GPATCH2L: variants seen among roughly 807,000 people sequenced by gnomAD.
The protein encoded by GPATCH2L is G patch domain-containing protein 2-like.
In GPATCH2L, 31 loss-of-function variants were observed where a neutral mutation model predicts 57.4. That is an observed-to-expected ratio of 0.54 (90% CI 0.41 to 0.73). GPATCH2L has a LOEUF of 0.73. Among genes scored for constraint, GPATCH2L ranks in the 30% least tolerant of loss-of-function variants. GPATCH2L has a pLI of 0.00. For synonymous variants in GPATCH2L, 199 were observed against 210.7 expected, an observed-to-expected ratio of 0.94 and a Z score of 0.48; for missense variants, 481 against 599.9, an observed-to-expected ratio of 0.80 and a Z score of 2.07.
chr14:76,222,104 T>C (rs2040517457), intron 1 of GPATCH2L, among the ~76,000 whole-genome samples: 1 of 152,172 alleles, frequency 6.6e-6, no homozygotes, highest in Non-Finnish European at 1.5e-5. Context: ...CCTGCTCAAT[T>C]TAGCTGTGAA....
intron 1 of GPATCH2L, among the ~76,000 whole-genome samples, chr14:76,225,772 A>G (rs2040534229): frequency 6.6e-6 from 1 of 152,244 alleles, no homozygotes; most frequent in Admixed American, 6.5e-5. Flanking sequence ...ATGAAAACAA[A>G]CAGATGATCC....
At chr14:76,157,939 C>A (rs532101858) in intron 2 of GPATCH2L, among the ~76,000 whole-genome samples, 1 of 151,956 alleles carries the variant, frequency 6.6e-6, no homozygotes, top group East Asian at 1.9e-4. Flanking sequence ...TAATATTTTT[C>A]TGTGTATGTG....
intron 1 of GPATCH2L, among the ~76,000 whole-genome samples, chr14:76,224,298 C>G (rs553525231): frequency 2.0e-5 from 3 of 152,186 alleles, no homozygotes; most frequent in Non-Finnish European, 4.4e-5. Flanking sequence ...GAAAATGTTC[C>G]GGAGTTATAT....
intron 9 of GPATCH2L, among the ~76,000 whole-genome samples, chr14:76,200,494 G>C (rs2040283991): frequency 6.6e-6 from 1 of 152,124 alleles, no homozygotes; most frequent in South Asian, 2.1e-4. Flanking sequence ...GTGTATGAGA[G>C]AGAAAAAGAG....
chr14:76,167,440 A>G lies in GPATCH2L; in HGVS notation c.727+713A>G, dbSNP rs543229084. Reference sequence around the variant, plus strand: ...TTAGGGATTTCTAAAGTCTCTTCTCACTCCGAAGTCCAATAATTTTTCTCC... The same window carrying G: ...TTAGGGATTTCTAAAGTCTCTTCTCGCTCCGAAGTCCAATAATTTTTCTCC... On this transcript the variant is annotated intron_variant, in intron 3 of 9. Transcript: ENST00000261530. 3.9e-5 allele frequency among the ~76,000 whole-genome samples: 6 copies of G among 152,248 alleles called. No individual in the cohort carries two copies. The South Asian group carries it at 1.2e-3, about 32-fold the overall frequency.
rs1214315561 is a variant in GPATCH2L at position 76,209,773 on chromosome 14, T to C, written c.*7922T>C. 1.3e-5 allele frequency: 2 copies of C among 152,358 alleles called. No homozygotes were observed. Among genetic ancestry groups the C allele is most frequent in the South Asian group, 4.1e-4 (2 of 4,830 alleles). The allele number at this position is 152,358 out of a possible 1,614,324, so 9.4% of individuals were successfully genotyped here. ...TACAGTGAAACTTGGGGTTCCACTTTCATCAGATGTGACCCTGTGTGTTCC... is the reference window on the plus strand; with the variant it reads ...TACAGTGAAACTTGGGGTTCCACTTCCATCAGATGTGACCCTGTGTGTTCC... On this transcript the variant is annotated 3_prime_UTR_variant, in exon 10 of 10. Transcript: ENST00000261530.
At position 76,154,510 on chromosome 14, in the gene GPATCH2L, T is replaced by C; in HGVS notation, c.147T>C (p.Ser49=). The change falls in exon 2 of 10, where the codon TCT becomes TCC. Residue 49 remains serine (S), a synonymous_variant. Coordinates refer to ENST00000261530, the MANE Select transcript of GPATCH2L (RefSeq NM_017926.4). The surrounding 1 kb of genome is among the most constrained non-coding windows in gnomAD (Gnocchi z 4.4). ...AACGCCGAGGTCGGAAGCGTCGTTC[T>C]GACTTCACTCACCTGGCAGAGCATA... ...LRKRRGRKRR[S]DFTHLAEHTC... is the part of the protein sequence containing the mutation. 1 of 1,614,242 alleles carries C rather than the reference T, an allele frequency of 6.2e-7. No individual in the cohort carries two copies. Among genetic ancestry groups the C allele is most frequent in the Non-Finnish European group, 8.5e-7 (1 of 1,180,044 alleles).
At position 76,201,787 on chromosome 14, in the gene GPATCH2L, C is replaced by A. The variant is rs1456464276; in HGVS notation, c.1385C>A (p.Ala462Asp). ...WLVRTSAAEK[A>D]TDATTATFFK... Reference sequence around the variant, plus strand: ...GTGAGGACCTCTGCAGCAGAGAAAGCCACAGACGCAACTACTGCTACATTT... The same window carrying A: ...GTGAGGACCTCTGCAGCAGAGAAAGACACAGACGCAACTACTGCTACATTT... The change falls in exon 10 of 10, where the codon GCC becomes GAC. Residue 462 changes from alanine to aspartate, a missense_variant. Around this residue, in one of 3 missense-constraint regions of GPATCH2L, gnomAD observed 248 missense variants for 270.5 expected, o/e 0.92. Coordinates refer to ENST00000261530, the MANE Select transcript of GPATCH2L (RefSeq NM_017926.4). 5 of 1,614,004 alleles carry A rather than the reference C, an allele frequency of 3.1e-6. No individual in the cohort carries two copies. In the South Asian group the frequency reaches 5.5e-5, roughly 18 times the overall value.
chr14:76,222,776 G>A (rs1215893080), intron 1 of GPATCH2L, among the ~76,000 whole-genome samples: 5 of 151,842 alleles, frequency 3.3e-5, no homozygotes, highest in East Asian at 1.9e-4. Flanking sequence ...GGCCAACATG[G>A]TGAGACCCCA....
chr14:76,166,784 A>G, intron 3 of GPATCH2L, 57 bp downstream of exon 3: 1 of 1,181,882 alleles, frequency 8.5e-7, no homozygotes. Flanking sequence ...ATATTTGAAT[A>G]ATCATAGGAG....
chr14:76,188,570 G>C (rs1193957456), intron 8 of GPATCH2L, among the ~76,000 whole-genome samples: 1 of 151,264 alleles, frequency 6.6e-6, no homozygotes, highest in African/African-American at 2.4e-5. Flanking sequence ...TTTTTCTACA[G>C]GGTTGTTTGA....
At position 76,170,393 on chromosome 14, in the gene GPATCH2L, T is replaced by G. The variant is rs73306513; in HGVS notation, c.728-1450T>G. ...CAGACATACAATTATCTATTCTTTG[T>G]TGGCAGGAATAAACTCTAGTGGAAA... is the stretch of plus-strand genomic sequence containing the variant. On this transcript the variant is annotated intron_variant, in intron 3 of 9. Coordinates refer to ENST00000261530, the MANE Select transcript of GPATCH2L (RefSeq NM_017926.4). 5.3e-3 allele frequency among the ~76,000 whole-genome samples: 801 copies of G among 152,330 alleles called. 9 individuals are homozygous for G. The highest frequency in any genetic ancestry group is 0.018 in the African/African-American group (746 of 41,576).
In GPATCH2L at chr14:76,154,334, C is replaced by T. The variant is rs951579916; in HGVS notation, c.-10-20C>T. On this transcript the variant is annotated intron_variant, in intron 1 of 9. Coordinates refer to ENST00000261530, the MANE Select transcript of GPATCH2L (RefSeq NM_017926.4). The surrounding 1 kb of genome is among the most constrained non-coding windows in gnomAD (Gnocchi z 4.4). The stretch of plus-strand genomic sequence containing the variant: ...TTTTCTTTTCTTTCTTTCTTTTTTT[C>T]CTAAACTTCCTTTTGGCAGATGTGG... 7.2e-6 allele frequency: 11 copies of T among 1,517,860 alleles called. No individual in the cohort carries two copies. The highest frequency in any genetic ancestry group is 4.6e-5 in the East Asian group (2 of 43,084). 94.0% of individuals were successfully genotyped at this position (1,517,860 alleles called of 1,614,324 possible). A position where few individuals can be genotyped will look rare whatever the true frequency, so the allele number is the denominator to read the frequency against.
intron 8 of GPATCH2L, among the ~76,000 whole-genome samples, chr14:76,190,896 C>G (rs1017179258): frequency 2.0e-5 from 3 of 152,156 alleles, no homozygotes; most frequent in Non-Finnish European, 1.5e-5. Context: ...CCATTTGCCA[C>G]TCCAGTTGAG....
At chr14:76,160,635 T>A (rs2038539645) in intron 2 of GPATCH2L, among the ~76,000 whole-genome samples, 1 of 152,198 alleles carries the variant, frequency 6.6e-6, no homozygotes, top group Non-Finnish European at 1.5e-5. Flanking sequence ...TTTAAAAAAA[T>A]ATTTTATTTT....
chr14:76,171,450 G>A (rs1215849525), intron 3 of GPATCH2L, among the ~76,000 whole-genome samples: 2 of 152,090 alleles, frequency 1.3e-5, no homozygotes, highest in African/African-American at 4.8e-5. Flanking sequence ...GGTGGCGGGC[G>A]CTTGTAATGC....
intron 8 of GPATCH2L, among the ~76,000 whole-genome samples, chr14:76,191,236 A>G (rs989868810): frequency 6.6e-6 from 1 of 152,178 alleles, no homozygotes; most frequent in Non-Finnish European, 1.5e-5. Context: ...TAAATAACAC[A>G]TTAAAAAGAA....
intron 2 of GPATCH2L, among the ~76,000 whole-genome samples, chr14:76,164,120 A>G (rs2038721392): frequency 6.6e-6 from 1 of 152,072 alleles, no homozygotes; most frequent in Admixed American, 6.6e-5. Flanking sequence ...CTGGCAAGGA[A>G]GTGGTATTGT....
intron 4 of GPATCH2L, 104 bp from the exon 5 acceptor site, chr14:76,173,442 C>G (rs1223401157): frequency 1.8e-5 from 12 of 670,158 alleles, no homozygotes; most frequent in Non-Finnish European, 2.6e-5. Flanking sequence ...GTTTAAAGGT[C>G]AATCTATTAA....
Sources: gnomAD v4.1 joint callset for allele counts (sites outside exome capture counted in the v4.1 genomes callset) on GRCh38, gnomAD v4.1.1 for gene constraint, gnomAD v4.1.1 regional missense constraint, Gnocchi (gnomAD v3.1) non-coding constraint, MANE v1.5 for transcripts, NCBI Gene and HGNC (gene_info 2026-07-23, HGNC 2026-07-21) for gene names.